The following CLYBL variants were observed in gnomAD, a reference collection of about 807,000 sequenced individuals.
CLYBL encodes the protein citramalyl-CoA lyase, mitochondrial.
CLYBL carries 31 observed loss-of-function variants against 38.9 expected under a neutral mutation model. That is an observed-to-expected ratio of 0.80 (90% CI 0.60 to 1.08). CLYBL has a LOEUF of 1.08. Ranked by LOEUF, CLYBL falls within the 50% of genes least tolerant of loss-of-function variation. The pLI, the probability that CLYBL is intolerant of heterozygous loss-of-function variation, is 0.00. For synonymous variants in CLYBL, 171 were observed against 158.6 expected (o/e 1.08, Z -0.59); for missense variants, 434 against 411.6 (o/e 1.05, Z -0.47).
chr13:99,829,368 G>A (rs907385493), intron 2 of CLYBL, among the ~76,000 whole-genome samples: 12 of 152,194 alleles, frequency 7.9e-5, no homozygotes, highest in African/African-American at 2.4e-4. Flanking sequence ...TAAGACAGCC[G>A]GAGCAGGGAA....
intron 2 of CLYBL, among the ~76,000 whole-genome samples, chr13:99,853,837 G>A (rs756587662): frequency 9.2e-5 from 14 of 152,178 alleles, no homozygotes; most frequent in Non-Finnish European, 1.9e-4. Context: ...AATTCGTTCC[G>A]TTTTTTATTT....
intron 1 of CLYBL, among the ~76,000 whole-genome samples, chr13:99,622,087 T>C (rs544959568): frequency 4.1e-4 from 62 of 152,364 alleles, no homozygotes; most frequent in Admixed American, 6.5e-4. Flanking sequence ...CCCAGTGGGC[T>C]GAATTCTTCT....
chr13:99,882,075 T>G (rs2052224781), intron 7 of CLYBL, among the ~76,000 whole-genome samples: 1 of 152,152 alleles, frequency 6.6e-6, no homozygotes, highest in Non-Finnish European at 1.5e-5. Flanking sequence ...AGTTTAGATA[T>G]GCTATTTTTA....
intron 2 of CLYBL, among the ~76,000 whole-genome samples, chr13:99,810,657 T>G (rs144179579): frequency 1.6e-4 from 25 of 152,092 alleles, no homozygotes; most frequent in African/African-American, 5.3e-4. Flanking sequence ...TACTAAGGGT[T>G]TCAAGCAGCA....
rs567830537 is a variant in CLYBL at position 99,671,649 on chromosome 13, G to A, written c.62+64892G>A. ...ACAAAAATTAGCCAGGTGTGATGGTGCGTGCCTGTAATCCCAGCTACTCGG... is the reference window on the plus strand; with the variant it reads ...ACAAAAATTAGCCAGGTGTGATGGTACGTGCCTGTAATCCCAGCTACTCGG... On this transcript the variant is annotated intron_variant, in intron 1 of 8. Coordinates refer to ENST00000339105, the MANE Select transcript of CLYBL (RefSeq NM_206808.5). 2.0e-5 allele frequency among the ~76,000 whole-genome samples: 3 copies of A among 152,084 alleles called. No individual in the cohort carries two copies. In the South Asian group the frequency reaches 6.2e-4, roughly 32 times the overall value.
intron 1 of CLYBL, among the ~76,000 whole-genome samples, chr13:99,733,931 A>C (rs1309490763): frequency 6.6e-6 from 1 of 152,214 alleles, no homozygotes; most frequent in African/African-American, 2.4e-5. Context: ...TCACCATCTT[A>C]AGGAAAGAAG....
downstream of CLYBL, among the ~76,000 whole-genome samples, chr13:99,899,343 C>T (rs1394800448): frequency 6.6e-6 from 1 of 152,232 alleles, no homozygotes; most frequent in Non-Finnish European, 1.5e-5. Flanking sequence ...GGCCATTCAA[C>T]TTCTCCTTCA....
downstream of CLYBL, among the ~76,000 whole-genome samples, chr13:99,897,329 C>A (rs1391374748): frequency 1.3e-5 from 2 of 152,200 alleles, no homozygotes; most frequent in African/African-American, 4.8e-5. Flanking sequence ...TGGCCCCATT[C>A]CCCCTTTGCT....
chr13:99,763,977 G>A (rs151317654), intron 1 of CLYBL, among the ~76,000 whole-genome samples: 21 of 152,118 alleles, frequency 1.4e-4, no homozygotes, highest in African/African-American at 5.1e-4. Context: ...CTCTGGTTTT[G>A]GTATCAGGGT....
At chr13:99,665,744 A>C (rs1240625601) in intron 1 of CLYBL, among the ~76,000 whole-genome samples, 1 of 152,118 alleles carries the variant, frequency 6.6e-6, no homozygotes, top group African/African-American at 2.4e-5. Flanking sequence ...AGTTTAGAGG[A>C]GGTATTATAT....
chr13:99,819,456 ATATATAT>A (rs1566340241), intron 2 of CLYBL, among the ~76,000 whole-genome samples: 2 of 45,870 alleles, frequency 4.4e-5, no homozygotes, highest in South Asian at 8.0e-4. Flanking sequence ...ATATATATAT[ATATATAT>A]ATATAATATT....
At chr13:99,680,274 C>G (rs184997614) in intron 1 of CLYBL, among the ~76,000 whole-genome samples, 1 of 152,278 alleles carries the variant, frequency 6.6e-6, no homozygotes, top group East Asian at 1.9e-4. Context: ...GTTTTGCCTG[C>G]AAGTCTTCGA....
At chr13:99,686,279 G>C (rs1479248807) in intron 1 of CLYBL, among the ~76,000 whole-genome samples, 1 of 152,162 alleles carries the variant, frequency 6.6e-6, no homozygotes, top group Non-Finnish European at 1.5e-5. Context: ...TATGCTCCTA[G>C]ACTGACATGG....
At chr13:99,625,239 G>A (rs2046852486) in intron 1 of CLYBL, among the ~76,000 whole-genome samples, 1 of 152,220 alleles carries the variant, frequency 6.6e-6, no homozygotes, top group Non-Finnish European at 1.5e-5. Context: ...GGGAACCTGG[G>A]GGAAACTGCT....
intron 1 of CLYBL, among the ~76,000 whole-genome samples, chr13:99,761,030 C>T (rs375524364): frequency 5.5e-4 from 84 of 152,314 alleles, no homozygotes; most frequent in African/African-American, 1.9e-3. Context: ...TTCCTCTACC[C>T]TTCTCAGCCT....
At chr13:99,843,892 A>C (rs1194630523) in intron 2 of CLYBL, among the ~76,000 whole-genome samples, 1 of 152,206 alleles carries the variant, frequency 6.6e-6, no homozygotes, top group African/African-American at 2.4e-5. Context: ...GTGAGCCACC[A>C]TGCCTGGCCA....
chr13:99,639,662 G>A (rs926697186), intron 1 of CLYBL, among the ~76,000 whole-genome samples: 30 of 152,196 alleles, frequency 2.0e-4, no homozygotes, highest in African/African-American at 7.0e-4. Context: ...GGAGACCGAG[G>A]TAGGAGGATT....
chr13:99,855,491 GAA>G (rs2051437789), intron 2 of CLYBL, among the ~76,000 whole-genome samples: 1 of 152,080 alleles, frequency 6.6e-6, no homozygotes, highest in Non-Finnish European at 1.5e-5. Flanking sequence ...AGGAGCCAAA[GAA>G]AGAGAGAAAG....
intron 1 of CLYBL, among the ~76,000 whole-genome samples, chr13:99,610,483 A>G (rs2046609800): frequency 6.6e-6 from 1 of 152,186 alleles, no homozygotes; most frequent in South Asian, 2.1e-4. Flanking sequence ...TTAATAAACT[A>G]ATTCTGCATT....
Sources: gnomAD v4.1 joint callset for allele counts (sites outside exome capture counted in the v4.1 genomes callset) on GRCh38, gnomAD v4.1.1 for gene constraint, MANE v1.5 for transcripts, NCBI Gene and HGNC (gene_info 2026-07-23, HGNC 2026-07-21) for gene names.